Variants in LRRC4C observed in about 807,000 individuals in gnomAD.
LRRC4C encodes the protein leucine-rich repeat-containing protein 4C.
Under a neutral mutation model 33.6 loss-of-function variants are expected in LRRC4C, and 5 were observed. That is an observed-to-expected ratio of 0.15 (90% CI 0.08 to 0.31). The LOEUF (loss-of-function observed/expected upper bound fraction) is 0.31, where lower values mean the gene tolerates loss of function less well. LRRC4C is among the 10% of genes least tolerant of loss of function. LRRC4C has a pLI of 1.00. For synonymous variants in LRRC4C, 329 were observed against 302.0 expected, an observed-to-expected ratio of 1.09 and a Z score of -0.93; for missense variants, 560 against 796.7, an observed-to-expected ratio of 0.70 and a Z score of 3.58.
At chr11:41,034,536 A>G (rs1041406300) in intron 1 of LRRC4C, among the ~76,000 whole-genome samples, 4 of 145,258 alleles carry the variant, frequency 2.8e-5, no homozygotes, top group African/African-American at 1.0e-4. Context: ...ATTTATATAT[A>G]TAATATAAAT....
intron 1 of LRRC4C, among the ~76,000 whole-genome samples, chr11:41,233,062 T>C (rs1285835136): frequency 1.3e-5 from 2 of 152,154 alleles, no homozygotes; most frequent in African/African-American, 4.8e-5. Context: ...AAAACCATTA[T>C]ATTTCTTAAT....
chr11:40,206,929 G>A (rs924825085), intron 5 of LRRC4C, among the ~76,000 whole-genome samples: 3 of 151,972 alleles, frequency 2.0e-5, no homozygotes, highest in Non-Finnish European at 4.4e-5. Flanking sequence ...TAAACCTGGG[G>A]GAAGGGGACA....
intron 2 of LRRC4C, among the ~76,000 whole-genome samples, chr11:40,770,003 A>G (rs1949675824): frequency 6.6e-6 from 1 of 152,148 alleles, no homozygotes; most frequent in Admixed American, 6.6e-5. Flanking sequence ...AAATGAACAA[A>G]TAGTATCATA....
intron 1 of LRRC4C, among the ~76,000 whole-genome samples, chr11:41,152,887 A>G (rs1233414375): frequency 6.6e-6 from 1 of 152,166 alleles, no homozygotes; most frequent in Non-Finnish European, 1.5e-5. Context: ...ACAAGCTCAT[A>G]CCACTAGCCA....
intron 3 of LRRC4C, among the ~76,000 whole-genome samples, chr11:40,357,382 T>C (rs1452322535): frequency 6.6e-6 from 1 of 152,198 alleles, no homozygotes; most frequent in East Asian, 1.9e-4. Context: ...AATTTTGGGC[T>C]GCTTTACATT....
At chr11:40,910,191 G>C (rs141918124) in intron 2 of LRRC4C, among the ~76,000 whole-genome samples, 1 of 152,164 alleles carries the variant, frequency 6.6e-6, no homozygotes, top group Non-Finnish European at 1.5e-5. Flanking sequence ...AATAAAAAAC[G>C]TATTGTGTAC....
chr11:41,271,552 CT>C (rs5791430), intron 1 of LRRC4C, among the ~76,000 whole-genome samples: 38,497 of 151,386 alleles, frequency 0.25, 6,085 homozygotes, highest in African/African-American at 0.45. Flanking sequence ...GAAGCTGCCC[CT>C]CATTAAACTA....
At chr11:40,888,569 C>T (rs1202224856) in intron 2 of LRRC4C, among the ~76,000 whole-genome samples, 2 of 151,850 alleles carry the variant, frequency 1.3e-5, no homozygotes, top group Non-Finnish European at 2.9e-5. Flanking sequence ...GTTGTTCCCT[C>T]AAGGAAACTA....
At chr11:40,969,457 C>T (rs550196594) in intron 1 of LRRC4C, among the ~76,000 whole-genome samples, 56 of 44,646 alleles carry the variant, frequency 1.3e-3, no homozygotes, top group African/African-American at 3.3e-3. Flanking sequence ...CAGCATCTTA[C>T]ACTACAAAAA....
chr11:41,251,457 T>C (rs1366585286), intron 1 of LRRC4C, among the ~76,000 whole-genome samples: 1 of 152,222 alleles, frequency 6.6e-6, no homozygotes, highest in Non-Finnish European at 1.5e-5. Flanking sequence ...TGTGTGTCCA[T>C]TGTCATTAAA....
intron 1 of LRRC4C, among the ~76,000 whole-genome samples, chr11:41,077,485 C>T (rs757241398): frequency 1.3e-5 from 2 of 152,182 alleles, no homozygotes; most frequent in Admixed American, 6.5e-5. Flanking sequence ...GGGGCTTGTA[C>T]CCCCTGGAGC....
At chr11:40,970,643 G>A (rs1851662833) in intron 1 of LRRC4C, among the ~76,000 whole-genome samples, 1 of 152,166 alleles carries the variant, frequency 6.6e-6, no homozygotes, top group Non-Finnish European at 1.5e-5. Flanking sequence ...AATGGGCTAA[G>A]GTTGGAAGAG....
chr11:40,220,197 T>C (rs1161597953), intron 5 of LRRC4C, among the ~76,000 whole-genome samples: 1 of 152,196 alleles, frequency 6.6e-6, no homozygotes, highest in Non-Finnish European at 1.5e-5. Flanking sequence ...TGACTTCCTG[T>C]TATCATTTAT....
At chr11:40,799,609 G>T (rs1256543466) in intron 2 of LRRC4C, among the ~76,000 whole-genome samples, 3 of 152,102 alleles carry the variant, frequency 2.0e-5, no homozygotes, top group Non-Finnish European at 2.9e-5. Context: ...AGCTGGGATT[G>T]CAGGCATGCA....
intron 2 of LRRC4C, among the ~76,000 whole-genome samples, chr11:40,743,163 GA>G (rs1948245347): frequency 6.6e-6 from 1 of 152,024 alleles, no homozygotes; most frequent in Admixed American, 6.6e-5. Flanking sequence ...CAATGAACAT[GA>G]ATTTCTTAGT....
chr11:40,754,463 G>A (rs1454854049), intron 2 of LRRC4C, among the ~76,000 whole-genome samples: 1 of 152,084 alleles, frequency 6.6e-6, no homozygotes, highest in Non-Finnish European at 1.5e-5. Context: ...CTAAGCTGGG[G>A]CTCACAGTTC....
intron 1 of LRRC4C, among the ~76,000 whole-genome samples, chr11:41,168,462 C>T (rs1295410049): frequency 6.6e-6 from 1 of 152,108 alleles, no homozygotes; most frequent in Non-Finnish European, 1.5e-5. Flanking sequence ...TACCTACTTG[C>T]AGTTTGTTGC....
chr11:40,362,774 T>G (rs1948017570), intron 3 of LRRC4C, among the ~76,000 whole-genome samples: 1 of 152,090 alleles, frequency 6.6e-6, no homozygotes, highest in South Asian at 2.1e-4. Context: ...CAGACGCTTC[T>G]CAAAAGCAGA....
intron 1 of LRRC4C, among the ~76,000 whole-genome samples, chr11:41,089,433 C>A (rs1940239021): frequency 1.3e-5 from 2 of 151,952 alleles, no homozygotes; most frequent in South Asian, 4.1e-4. Flanking sequence ...GAGAGTAAGA[C>A]TACAGATGAC....
Sources: gnomAD v4.1 joint callset for allele counts (sites outside exome capture counted in the v4.1 genomes callset) on GRCh38, gnomAD v4.1.1 for gene constraint, MANE v1.5 for transcripts, NCBI Gene and HGNC (gene_info 2026-07-23, HGNC 2026-07-21) for gene names.